CDH18: variants seen among roughly 807,000 people sequenced by gnomAD.
CDH18 encodes cadherin 18, also known as cadherin-18.
In CDH18, 31 loss-of-function variants were observed where a neutral mutation model predicts 67.9. The observed-to-expected ratio is 0.46, with a 90% CI of 0.34 to 0.62. The LOEUF (loss-of-function observed/expected upper bound fraction) is 0.62. CDH18 is among the 20% of genes least tolerant of loss of function. The pLI, the probability that CDH18 is intolerant of heterozygous loss-of-function variation, is 0.01. For synonymous variants in CDH18, 362 were observed against 347.2 expected, an observed-to-expected ratio of 1.04 and a Z score of -0.48; for missense variants, 890 against 975.5, an observed-to-expected ratio of 0.91 and a Z score of 1.17.
At chr5:19,826,642 A>T (rs1013780700) in intron 3 of CDH18, among the ~76,000 whole-genome samples, 8 of 152,218 alleles carry the variant, frequency 5.3e-5, no homozygotes, top group African/African-American at 1.9e-4. Flanking sequence ...TAAGATTCAT[A>T]AGCAAAAGAG....
At chr5:19,706,572 G>C (rs1481507738) in intron 5 of CDH18, among the ~76,000 whole-genome samples, 1 of 152,106 alleles carries the variant, frequency 6.6e-6, no homozygotes, top group Admixed American at 6.6e-5. Context: ...TGTATGTGTG[G>C]ACACCTTTTC....
chr5:19,991,541 C>T (rs1010518135), upstream of CDH18, among the ~76,000 whole-genome samples: 1 of 152,132 alleles, frequency 6.6e-6, no homozygotes, highest in South Asian at 2.1e-4. Context: ...TAGGAAATTT[C>T]TCTGCAACTA....
intron 6 of CDH18, among the ~76,000 whole-genome samples, chr5:19,601,580 G>A (rs1405378236): frequency 6.6e-6 from 1 of 151,350 alleles, no homozygotes; most frequent in East Asian, 2.0e-4. Flanking sequence ...AAAAAAAGAG[G>A]GAAATTACCT....
intron 1 of CDH18, among the ~76,000 whole-genome samples, chr5:19,983,223 T>C (rs1799241141): frequency 6.6e-6 from 1 of 152,008 alleles, no homozygotes; most frequent in Non-Finnish European, 1.5e-5. Context: ...AGACTGAAAA[T>C]AATTGGATCA....
chr5:20,502,909 A>C (rs1754419270), intron 1 of CDH18, among the ~76,000 whole-genome samples: 1 of 152,188 alleles, frequency 6.6e-6, no homozygotes, highest in Admixed American at 6.5e-5. Flanking sequence ...GGAGCTTAAT[A>C]GGCACCTCAA....
intron 6 of CDH18, among the ~76,000 whole-genome samples, chr5:19,600,765 A>G (rs756412631): frequency 1.4e-4 from 21 of 152,102 alleles, no homozygotes; most frequent in Non-Finnish European, 2.4e-4. Flanking sequence ...TTAATGCCTT[A>G]CATTATTTTT....
intron 5 of CDH18, among the ~76,000 whole-genome samples, chr5:19,652,578 A>G (rs1269695281): frequency 6.6e-6 from 1 of 152,188 alleles, no homozygotes; most frequent in African/African-American, 2.4e-5. Context: ...AAAGTAGGTA[A>G]GAAGACTAAT....
At chr5:20,199,983 A>G (rs116534376) in intron 2 of CDH18, among the ~76,000 whole-genome samples, 52 of 152,260 alleles carry the variant, frequency 3.4e-4, no homozygotes, top group African/African-American at 1.3e-3. Flanking sequence ...GCAACTGTGA[A>G]TCAAGTAAAA....
intron 1 of CDH18, among the ~76,000 whole-genome samples, chr5:20,272,497 T>C (rs1489331397): frequency 2.6e-5 from 4 of 151,966 alleles, no homozygotes; most frequent in African/African-American, 9.7e-5. Context: ...TTCAAGAAAA[T>C]AATTAATGTA....
intron 3 of CDH18, among the ~76,000 whole-genome samples, chr5:19,825,810 A>C (rs1337211281): frequency 2.0e-5 from 3 of 152,164 alleles, no homozygotes; most frequent in Non-Finnish European, 4.4e-5. Flanking sequence ...GAACTCTAGC[A>C]ACTCAAAAAG....
chr5:20,246,206 T>C (rs1043767176), intron 2 of CDH18, among the ~76,000 whole-genome samples: 12 of 152,224 alleles, frequency 7.9e-5, no homozygotes, highest in African/African-American at 2.2e-4. Flanking sequence ...TCAGAAAATA[T>C]GTACAGAGGC....
intron 2 of CDH18, among the ~76,000 whole-genome samples, chr5:19,895,821 G>T (rs2150096577): frequency 6.6e-6 from 1 of 152,224 alleles, no homozygotes; most frequent in Non-Finnish European, 1.5e-5. Flanking sequence ...ATACAGAGTT[G>T]GAAAACAGGT....
intron 8 of CDH18, among the ~76,000 whole-genome samples, chr5:19,564,366 A>G (rs13157218): frequency 1.3e-5 from 2 of 152,198 alleles, no homozygotes; most frequent in Non-Finnish European, 2.9e-5. Flanking sequence ...AAAGGACTTC[A>G]TCTTGCAACT....
chr5:20,555,542 T>C (rs1306449961), intron 1 of CDH18, among the ~76,000 whole-genome samples: 3 of 150,658 alleles, frequency 2.0e-5, no homozygotes, highest in African/African-American at 7.3e-5. Flanking sequence ...CCTCCCTGGT[T>C]CAAGTGATTC....
chr5:20,550,182 G>A (rs970242866), intron 1 of CDH18, among the ~76,000 whole-genome samples: 7 of 152,248 alleles, frequency 4.6e-5, no homozygotes, highest in African/African-American at 1.7e-4. Context: ...TATTGTTAAT[G>A]TGTATTCAAA....
At chr5:20,495,615 G>A (rs1485771635) in intron 1 of CDH18, among the ~76,000 whole-genome samples, 2 of 152,006 alleles carry the variant, frequency 1.3e-5, no homozygotes, top group Admixed American at 6.6e-5. Context: ...AACAGGAAGC[G>A]GAAATGTCAC....
At chr5:20,019,866 G>T (rs1230137232) in intron 2 of CDH18, among the ~76,000 whole-genome samples, 3 of 152,210 alleles carry the variant, frequency 2.0e-5, no homozygotes. Flanking sequence ...GGGCTCAGAA[G>T]AAGACAGAAA....
chr5:19,791,909 C>T (rs543679190), intron 3 of CDH18, among the ~76,000 whole-genome samples: 4 of 152,212 alleles, frequency 2.6e-5, no homozygotes, highest in Admixed American at 2.6e-4. Context: ...GCTCTTATTC[C>T]ATTTTTGCTT....
intron 2 of CDH18, among the ~76,000 whole-genome samples, chr5:19,848,791 GC>G (rs1339581660): frequency 6.6e-6 from 1 of 150,732 alleles, no homozygotes; most frequent in African/African-American, 2.4e-5. Context: ...CATATAAAAT[GC>G]TATACATATA....
Sources: gnomAD v4.1 joint callset for allele counts (sites outside exome capture counted in the v4.1 genomes callset) on GRCh38, gnomAD v4.1.1 for gene constraint, MANE v1.5 for transcripts, NCBI Gene and HGNC (gene_info 2026-07-23, HGNC 2026-07-21) for gene names.